CASR: variants seen among roughly 807,000 people sequenced by gnomAD.
CASR encodes extracellular calcium-sensing receptor.
Under a neutral mutation model 69.1 loss-of-function variants are expected in CASR, and 23 were observed. The observed-to-expected ratio is 0.33, with a 90% CI of 0.24 to 0.47. The LOEUF (loss-of-function observed/expected upper bound fraction) is 0.47. Ranked by LOEUF, CASR falls within the 20% of genes least tolerant of loss-of-function variation. The pLI, the probability that CASR is intolerant of heterozygous loss-of-function variation, is 1.00. For missense variants in CASR, 924 were observed against 1,356.1 expected, an observed-to-expected ratio of 0.68 and a Z score of 5.00; for synonymous variants, 541 against 544.7, an observed-to-expected ratio of 0.99 and a Z score of 0.10.
chr3:122,225,252 G>A (rs1179202672), intron 1 of CASR, among the ~76,000 whole-genome samples: 2 of 151,734 alleles, frequency 1.3e-5, no homozygotes, highest in African/African-American at 4.8e-5. Context: ...TTTCTGCACA[G>A]CAAACAAAAC....
rs566164126 is a variant in CASR at position 122,227,238 on chromosome 3, C to T, written c.-242-26710C>T. ...CACTCCCCAGCCCTTGGGCGGTTGG[C>T]GGGACTGGGCTCCATGGAGCAGGGG... On this transcript the variant is annotated intron_variant, in intron 1 of 6. Transcript: ENST00000639785. Among the ~76,000 whole-genome samples, 35 of 150,732 alleles carry T rather than the reference C, an allele frequency of 2.3e-4. 1 individual carries two copies. The highest frequency in any genetic ancestry group is 3.3e-4 in the Admixed American group (5 of 15,184).
chr3:122,251,161 G>A (rs184786972), intron 1 of CASR, among the ~76,000 whole-genome samples: 100 of 152,300 alleles, frequency 6.6e-4, no homozygotes, highest in African/African-American at 2.1e-3. Context: ...TAGGAATGCT[G>A]TTGGAGGAGA....
chr3:122,210,000 C>A (rs575968720), intron 1 of CASR, among the ~76,000 whole-genome samples: 14 of 152,156 alleles, frequency 9.2e-5, no homozygotes, highest in Non-Finnish European at 1.8e-4. Flanking sequence ...ATGATTATCT[C>A]AATAGACACA....
chr3:122,186,178 T>G (rs2073781602), intron 1 of CASR, among the ~76,000 whole-genome samples: 1 of 152,226 alleles, frequency 6.6e-6, no homozygotes, highest in African/African-American at 2.4e-5. Context: ...TTGTTTAAAA[T>G]CACCTAATAG....
intron 5 of CASR, among the ~76,000 whole-genome samples, chr3:122,280,346 T>A (rs765933822): frequency 6.6e-6 from 1 of 152,184 alleles, no homozygotes; most frequent in Non-Finnish European, 1.5e-5. Context: ...ATATTGGAAG[T>A]TCTGGCCAGG....
chr3:122,218,541 CAAA>C (rs59428263), intron 1 of CASR, among the ~76,000 whole-genome samples: 2 of 106,306 alleles, frequency 1.9e-5, no homozygotes, highest in African/African-American at 3.7e-5. Context: ...GACTCTGTCT[CAAA>C]AAAAAAAAAA....
chr3:122,248,846 T>C (rs926754856), intron 1 of CASR, among the ~76,000 whole-genome samples: 1 of 152,224 alleles, frequency 6.6e-6, no homozygotes, highest in African/African-American at 2.4e-5. Flanking sequence ...CAGTGTTCAC[T>C]CCTGACGTTG....
intron 6 of CASR, among the ~76,000 whole-genome samples, chr3:122,283,300 T>C (rs1374509543): frequency 6.6e-6 from 1 of 152,190 alleles, no homozygotes; most frequent in Non-Finnish European, 1.5e-5. Flanking sequence ...AATAAATAAA[T>C]CAGGCTAAGC....
chr3:122,268,771 C>T (rs1051447977), intron 4 of CASR, among the ~76,000 whole-genome samples: 2 of 152,278 alleles, frequency 1.3e-5, no homozygotes, highest in Non-Finnish European at 2.9e-5. Flanking sequence ...CCTGAGAGGA[C>T]AGTGGAGGAC....
intron 3 of CASR, among the ~76,000 whole-genome samples, chr3:122,259,510 T>A (rs1326554250): frequency 6.6e-6 from 1 of 152,206 alleles, no homozygotes; most frequent in African/African-American, 2.4e-5. Flanking sequence ...ATAAAAGCTC[T>A]TGTCAGAAAA....
At chr3:122,210,908 G>A (rs1377933205) in intron 1 of CASR, among the ~76,000 whole-genome samples, 1 of 152,142 alleles carries the variant, frequency 6.6e-6, no homozygotes, top group Non-Finnish European at 1.5e-5. Flanking sequence ...CAATGGAACA[G>A]AATAGTGTAC....
At chr3:122,243,934 C>T (rs1021084061) in intron 1 of CASR, among the ~76,000 whole-genome samples, 1 of 151,926 alleles carries the variant, frequency 6.6e-6, no homozygotes, top group Non-Finnish European at 1.5e-5. Flanking sequence ...CGAAGATGGA[C>T]TTTGCATGTT....
rs2074954945 is a variant in CASR, at chr3:122,285,127, G to A, written c.3173G>A (p.Ser1058Asn). Residue 1058 changes from serine (S) to asparagine (N), a missense_variant, in exon 7 of 7, where the codon AGT becomes AAT. Ser to Asn is a conservative substitution (Grantham distance 46, BLOSUM62 1). Coordinates refer to ENST00000639785, the MANE Select transcript of CASR (RefSeq NM_000388.4). ...TTGTCCCCAGCACTTGTAGTGTCCA[G>A]TTCACAGAGCTTTGTCATCAGTGGT... Reference protein sequence around the residue: ...EELSPALVVSSSQSFVISGGG... With the variant: ...EELSPALVVSNSQSFVISGGG... 11 of 1,614,076 alleles carry A rather than the reference G, an allele frequency of 6.8e-6. No homozygotes were observed. Among genetic ancestry groups the A allele is most frequent in the Non-Finnish European group, 8.5e-6 (10 of 1,180,034 alleles).
chr3:122,236,684 T>C (rs1160870712), intron 1 of CASR, among the ~76,000 whole-genome samples: 1 of 152,188 alleles, frequency 6.6e-6, no homozygotes, highest in African/African-American at 2.4e-5. Flanking sequence ...CAAACACATC[T>C]TGAAATCTCC....
rs866241407 is a variant in CASR, at chr3:122,275,971, G to A, written c.1537G>A (p.Val513Ile). ...GTTTAAGGAAGTCGGGTATTACAAC[G>A]TCTATGCCAAGAAGGGAGAAAGACT... ...IVFKEVGYYN[V>I]YAKKGERLFI... The change falls in exon 5 of 7, where the codon GTC becomes ATC. Residue 513 changes from valine to isoleucine, a missense_variant. By Grantham distance (29) the Val-to-Ile change is conservative. This residue lies in a region of CASR where 310 missense variants were observed against 395.7 expected (regional missense o/e 0.78). Coordinates refer to ENST00000639785, the MANE Select transcript of CASR (RefSeq NM_000388.4). 6.2e-7 allele frequency: 1 copy of A among 1,614,056 alleles called. No individual in the cohort carries two copies.
In CASR at chr3:122,285,282, G is replaced by A. The variant is rs1340028105; in HGVS notation, c.*91G>A. The stretch of plus-strand genomic sequence containing the variant: ...ATCGCCCCAGACTCCTTTCCTCTGA[G>A]GAAGAAGGGATAATAGACACATCAA... On this transcript the variant is annotated 3_prime_UTR_variant, in exon 7 of 7. Transcript: ENST00000639785. 18 of 1,182,240 alleles carry A rather than the reference G, an allele frequency of 1.5e-5. No individual in the cohort carries two copies. Among genetic ancestry groups the A allele is most frequent in the Non-Finnish European group, 1.8e-5 (14 of 794,670 alleles). The allele number at this position is 1,182,240 out of a possible 1,614,324, so 73.2% of individuals were successfully genotyped here. A position where few individuals can be genotyped will look rare whatever the true frequency, so the allele number is the denominator to read the frequency against.
chr3:122,190,815 T>G (rs2073832778), intron 1 of CASR, among the ~76,000 whole-genome samples: 1 of 152,252 alleles, frequency 6.6e-6, no homozygotes, highest in Non-Finnish European at 1.5e-5. Flanking sequence ...ATTAATTCAT[T>G]TGATTCCCAG....
chr3:122,224,256 C>T (rs1276888830), intron 1 of CASR, among the ~76,000 whole-genome samples: 1 of 152,178 alleles, frequency 6.6e-6, no homozygotes, highest in Non-Finnish European at 1.5e-5. Context: ...CAAGGTTTCT[C>T]TCTTCACAAA....
chr3:122,185,596 T>C (rs1397387586), intron 1 of CASR, among the ~76,000 whole-genome samples: 1 of 152,224 alleles, frequency 6.6e-6, no homozygotes, highest in Non-Finnish European at 1.5e-5. Context: ...GCAGGCTGTT[T>C]TCTGAAATGC....
Sources: gnomAD v4.1 joint callset for allele counts (sites outside exome capture counted in the v4.1 genomes callset) on GRCh38, gnomAD v4.1.1 for gene constraint, gnomAD v4.1.1 regional missense constraint, MANE v1.5 for transcripts, NCBI Gene and HGNC (gene_info 2026-07-23, HGNC 2026-07-21) for gene names.